AHCYL2: variants seen among roughly 807,000 people sequenced by gnomAD.
The protein encoded by AHCYL2 is S-adenosylhomocysteine hydrolase-like protein 2.
AHCYL2 carries 28 observed loss-of-function variants against 81.4 expected under a neutral mutation model. The ratio of observed to expected loss-of-function variants is 0.34; its 90% CI spans 0.25 to 0.47. AHCYL2 has a LOEUF of 0.47. AHCYL2 is among the 20% of genes least tolerant of loss of function. AHCYL2 has a pLI of 1.00. For synonymous variants in AHCYL2, 272 were observed against 290.2 expected, an observed-to-expected ratio of 0.94 and a Z score of 0.64; for missense variants, 551 against 785.1, an observed-to-expected ratio of 0.70 and a Z score of 3.56.
intron 1 of AHCYL2, among the ~76,000 whole-genome samples, chr7:129,320,659 A>G (rs980372305): frequency 1.3e-5 from 2 of 152,170 alleles, no homozygotes; most frequent in Admixed American, 1.3e-4. Flanking sequence ...ATGCCATAAA[A>G]TCTTCCTTTT....
At chr7:129,424,455 T>C (rs1239401937) in intron 13 of AHCYL2, among the ~76,000 whole-genome samples, 1 of 152,038 alleles carries the variant, frequency 6.6e-6, no homozygotes, top group Non-Finnish European at 1.5e-5. Flanking sequence ...AGTCCAAATA[T>C]ACCTCCCCTC....
intron 11 of AHCYL2, among the ~76,000 whole-genome samples, chr7:129,412,580 T>C (rs1337523520): frequency 6.6e-6 from 1 of 151,646 alleles, no homozygotes; most frequent in Non-Finnish European, 1.5e-5. Flanking sequence ...TGCGCCTGGC[T>C]GGAATTGCCA....
intron 1 of AHCYL2, among the ~76,000 whole-genome samples, chr7:129,317,759 A>C (rs1253358200): frequency 6.6e-6 from 1 of 152,222 alleles, no homozygotes; most frequent in African/African-American, 2.4e-5. Flanking sequence ...CTTCTTGGTT[A>C]CTACACTTCC....
At chr7:129,380,628 A>T (rs1455081065) in intron 2 of AHCYL2, among the ~76,000 whole-genome samples, 2 of 152,168 alleles carry the variant, frequency 1.3e-5, no homozygotes, top group African/African-American at 4.8e-5. Context: ...TATACTTTTT[A>T]CATTTGTCTT....
chr7:129,306,509 AT>A (rs1359653083), intron 1 of AHCYL2, among the ~76,000 whole-genome samples: 1 of 151,980 alleles, frequency 6.6e-6, no homozygotes, highest in East Asian at 1.9e-4. Context: ...GTCATCTCGA[AT>A]TTCTTTGAGT....
chr7:129,291,469 C>T (rs753482075), intron 1 of AHCYL2, among the ~76,000 whole-genome samples: 7 of 149,956 alleles, frequency 4.7e-5, no homozygotes, highest in Non-Finnish European at 8.8e-5. Context: ...ATTCTTTTAC[C>T]GGAGCCTCTG....
At chr7:129,280,612 T>C (rs1279535759) in intron 1 of AHCYL2, among the ~76,000 whole-genome samples, 1 of 152,170 alleles carries the variant, frequency 6.6e-6, no homozygotes, top group African/African-American at 2.4e-5. Context: ...TAAGTTCTTA[T>C]TTTATTGTAC....
chr7:129,272,202 C>A (rs1340805683), intron 1 of AHCYL2, among the ~76,000 whole-genome samples: 1 of 152,170 alleles, frequency 6.6e-6, no homozygotes, highest in East Asian at 1.9e-4. Context: ...GCTAGCATCA[C>A]TTTTCAGCTA....
intron 1 of AHCYL2, among the ~76,000 whole-genome samples, chr7:129,278,267 G>T (rs1796296274): frequency 1.3e-5 from 2 of 151,444 alleles, no homozygotes; most frequent in Admixed American, 6.6e-5. Flanking sequence ...TTAGAGATGG[G>T]GTCTCCCTGT....
chr7:129,319,137 A>G (rs1797927677), intron 1 of AHCYL2, among the ~76,000 whole-genome samples: 1 of 152,142 alleles, frequency 6.6e-6, no homozygotes, highest in Non-Finnish European at 1.5e-5. Context: ...GAAGAAATGA[A>G]ATACAAATGT....
intron 1 of AHCYL2, among the ~76,000 whole-genome samples, chr7:129,233,064 G>C (rs1362080999): frequency 6.6e-6 from 1 of 152,158 alleles, no homozygotes; most frequent in East Asian, 1.9e-4. Flanking sequence ...AGACAGATCA[G>C]TGTCATTAAA....
chr7:129,273,132 G>A (rs770823352), intron 1 of AHCYL2, among the ~76,000 whole-genome samples: 23 of 151,830 alleles, frequency 1.5e-4, no homozygotes, highest in Non-Finnish European at 2.5e-4. Context: ...AAACTCCTGA[G>A]CTCAAGTGAT....
At chr7:129,355,901 A>G (rs1005903245) in intron 1 of AHCYL2, among the ~76,000 whole-genome samples, 1 of 152,232 alleles carries the variant, frequency 6.6e-6, no homozygotes, top group African/African-American at 2.4e-5. Flanking sequence ...TAAAGAAAGC[A>G]TTTTGGAAAG....
At chr7:129,358,799 G>A (rs188788526) in intron 1 of AHCYL2, among the ~76,000 whole-genome samples, 108 of 152,208 alleles carry the variant, frequency 7.1e-4, no homozygotes, top group African/African-American at 2.4e-3. Flanking sequence ...AATGGTAGTG[G>A]TGGTGGCAAG....
At chr7:129,392,742 G>A (rs573667288) in intron 4 of AHCYL2, among the ~76,000 whole-genome samples, 4 of 152,228 alleles carry the variant, frequency 2.6e-5, no homozygotes, top group South Asian at 2.1e-4. Flanking sequence ...CTGGAGTTTC[G>A]CTTGTTGTTC....
chr7:129,271,638 G>A (rs1211176167), intron 1 of AHCYL2, among the ~76,000 whole-genome samples: 1 of 152,066 alleles, frequency 6.6e-6, no homozygotes, highest in Non-Finnish European at 1.5e-5. Flanking sequence ...GGTAACATTG[G>A]ATTTTTGTCC....
chr7:129,252,737 A>G (rs1194835068), intron 1 of AHCYL2, among the ~76,000 whole-genome samples: 2 of 152,182 alleles, frequency 1.3e-5, no homozygotes, highest in Non-Finnish European at 2.9e-5. Flanking sequence ...ACTGCACTCC[A>G]GCCTGGGTGA....
At chr7:129,342,990 G>GC (rs1276308708) in intron 1 of AHCYL2, among the ~76,000 whole-genome samples, 1 of 151,928 alleles carries the variant, frequency 6.6e-6, no homozygotes, top group Non-Finnish European at 1.5e-5. Context: ...TTGGCCTCTG[G>GC]CCCCATTTCC....
chr7:129,378,370 G>C (rs1794791390), intron 1 of AHCYL2, among the ~76,000 whole-genome samples: 1 of 152,044 alleles, frequency 6.6e-6, no homozygotes, highest in African/African-American at 2.4e-5. Flanking sequence ...ATTTTAAAAA[G>C]CTTTAACAAA....
Sources: allele counts gnomAD v4.1 joint callset (sites outside exome capture counted in the v4.1 genomes callset), GRCh38; gene constraint gnomAD v4.1.1; transcripts MANE v1.5; gene names NCBI Gene and HGNC (gene_info 2026-07-23, HGNC 2026-07-21).